The following PBX1 variants were observed in gnomAD, a reference collection of about 807,000 sequenced individuals.
PBX1 encodes PBX homeobox 1.
A neutral mutation model predicts 53.4 loss-of-function variants in PBX1; 6 were observed. That is an observed-to-expected ratio of 0.11 (90% CI 0.06 to 0.22). PBX1 has a LOEUF of 0.22. Among genes scored for constraint, PBX1 ranks in the 10% least tolerant of loss-of-function variants. PBX1 has a pLI of 1.00. For missense variants in PBX1, 251 were observed against 551.4 expected, an observed-to-expected ratio of 0.46 and a Z score of 5.46; for synonymous variants, 204 against 212.3, an observed-to-expected ratio of 0.96 and a Z score of 0.34.
intron 2 of PBX1, among the ~76,000 whole-genome samples, chr1:164,765,550 CACTT>C (rs1177801980): frequency 3.3e-5 from 5 of 152,158 alleles, no homozygotes; most frequent in Non-Finnish European, 7.4e-5. Context: ...AGGCAGCTAA[CACTT>C]ACTGGATGCC....
intron 2 of PBX1, among the ~76,000 whole-genome samples, chr1:164,781,075 G>A (rs536899915): frequency 2.6e-5 from 4 of 152,284 alleles, no homozygotes; most frequent in African/African-American, 9.6e-5. Context: ...GCATGTGCTT[G>A]GGGTGGTTTT....
chr1:164,819,867 T>A, intron 6 of PBX1: 1 of 488,206 alleles, frequency 2.0e-6, no homozygotes. Flanking sequence ...CAGTAAGGTA[T>A]GGCTTCACAT....
At chr1:164,581,521 C>T (rs1321070165) in intron 2 of PBX1, among the ~76,000 whole-genome samples, 1 of 152,138 alleles carries the variant, frequency 6.6e-6, no homozygotes, top group Admixed American at 6.6e-5. Context: ...CCACCGCACC[C>T]AGCCCCCTTT....
At chr1:164,665,517 C>A (rs1660752533) in intron 2 of PBX1, among the ~76,000 whole-genome samples, 1 of 152,180 alleles carries the variant, frequency 6.6e-6, no homozygotes, top group Non-Finnish European at 1.5e-5. Flanking sequence ...AAACTCCTGA[C>A]CTCGAGTGAT....
At chr1:164,861,660 G>T (rs1460283383) in intron 2 of PBX1, among the ~76,000 whole-genome samples, 1 of 152,276 alleles carries the variant, frequency 6.6e-6, no homozygotes, top group Admixed American at 6.5e-5. Context: ...GAAGTGACAA[G>T]TGCTAAGGGA....
chr1:164,649,508 T>C (rs562351339), intron 2 of PBX1, among the ~76,000 whole-genome samples: 128 of 152,302 alleles, frequency 8.4e-4, no homozygotes, highest in Non-Finnish European at 1.4e-3. Flanking sequence ...TATCAGTTTT[T>C]TCCCCCCAGT....
chr1:164,729,199 A>G (rs1301762316), intron 2 of PBX1, among the ~76,000 whole-genome samples: 1 of 152,250 alleles, frequency 6.6e-6, no homozygotes, highest in Non-Finnish European at 1.5e-5. Context: ...GAATTCTTAC[A>G]GTGAGTAGGA....
At chr1:164,632,342 G>A (rs1282941108) in intron 2 of PBX1, among the ~76,000 whole-genome samples, 1 of 152,156 alleles carries the variant, frequency 6.6e-6, no homozygotes, top group Non-Finnish European at 1.5e-5. Context: ...TCTTCTTATG[G>A]TGCTGCCCAT....
At chr1:164,830,222 T>G (rs1670685892) in intron 8 of PBX1, among the ~76,000 whole-genome samples, 2 of 152,140 alleles carry the variant, frequency 1.3e-5, no homozygotes, top group Non-Finnish European at 2.9e-5. Context: ...TAGGAAGAAA[T>G]AATTTACTAA....
At chr1:164,882,423 G>A (rs1458863236) in intron 2 of PBX1, among the ~76,000 whole-genome samples, 1 of 152,098 alleles carries the variant, frequency 6.6e-6, no homozygotes, top group Non-Finnish European at 1.5e-5. Flanking sequence ...ATTCTCCTGT[G>A]AGAAAACAAG....
Position 164,838,816 on chromosome 1 carries a change from A to T in PBX1, c.1201-7768A>T, listed in dbSNP as rs555286050. ...GCCAAGCCATCCAGTATTCACAGGAACGAGACACCAAGGGAAGGCTTCAAA... is the reference window on the plus strand; with the variant it reads ...GCCAAGCCATCCAGTATTCACAGGATCGAGACACCAAGGGAAGGCTTCAAA... On this transcript the variant is annotated intron_variant, in intron 8 of 8. Transcript: ENST00000420696. 2.0e-5 allele frequency among the ~76,000 whole-genome samples: 3 copies of T among 152,306 alleles called. No individual in the cohort carries two copies. The South Asian group carries it at 6.2e-4, about 32-fold the overall frequency.
At chr1:164,693,947 C>T (rs1218952225) in intron 2 of PBX1, among the ~76,000 whole-genome samples, 1 of 152,150 alleles carries the variant, frequency 6.6e-6, no homozygotes, top group East Asian at 1.9e-4. Flanking sequence ...TTGATGTTGT[C>T]TAAAAGTGTC....
chr1:164,852,477 C>T (rs1571531677), downstream of PBX1, among the ~76,000 whole-genome samples: 1 of 152,178 alleles, frequency 6.6e-6, no homozygotes, highest in East Asian at 1.9e-4. Flanking sequence ...CACCAGGCCT[C>T]CACACCTAAG....
intron 5 of PBX1, among the ~76,000 whole-genome samples, chr1:164,809,613 T>C (rs979724156): frequency 6.6e-6 from 1 of 152,224 alleles, no homozygotes; most frequent in African/African-American, 2.4e-5. Context: ...GATCACATGA[T>C]TTATTAAATC....
chr1:164,580,108 A>C, intron 2 of PBX1, among the ~76,000 whole-genome samples: 1 of 152,186 alleles, frequency 6.6e-6, no homozygotes, highest in East Asian at 1.9e-4. Flanking sequence ...TCCAAATAAC[A>C]AATTGTCTGG....
In PBX1 at chr1:164,559,504, C is replaced by CT; in HGVS notation, c.-318dup. 1 of 316,516 alleles carries CT rather than the reference C, an allele frequency of 3.2e-6. No individual in the cohort carries two copies. The highest frequency in any genetic ancestry group is 5.7e-6 in the Non-Finnish European group (1 of 173,926). The allele number at this position is 316,516 out of a possible 1,614,324, so 19.6% of individuals were successfully genotyped here. On this transcript the variant is annotated 5_prime_UTR_variant, in exon 1 of 9. Coordinates refer to ENST00000420696, the MANE Select transcript of PBX1 (RefSeq NM_002585.4). ...CGGACTGAAAAACCTAAAGCCAGCT[C>CT]TGATTTCTTTTCGCCAAGTGGGAAG...
intron 2 of PBX1, among the ~76,000 whole-genome samples, chr1:164,761,259 T>A (rs951410613): frequency 2.0e-5 from 3 of 152,188 alleles, no homozygotes; most frequent in Non-Finnish European, 4.4e-5. Flanking sequence ...AGAACACACA[T>A]GTAGAGCAAA....
At chr1:164,696,839 C>A (rs900158045) in intron 2 of PBX1, among the ~76,000 whole-genome samples, 3 of 152,154 alleles carry the variant, frequency 2.0e-5, no homozygotes, top group African/African-American at 7.2e-5. Context: ...AGGCTGAGCT[C>A]ACTAGTTCCA....
chr1:164,870,193 T>A (rs78919779), intron 2 of PBX1, among the ~76,000 whole-genome samples: 1,507 of 139,724 alleles, frequency 0.011, 44 homozygotes, highest in African/African-American at 0.036. Context: ...CTCTATTGAC[T>A]TTCTTTCTTT....
Sources: allele counts gnomAD v4.1 joint callset (sites outside exome capture counted in the v4.1 genomes callset), GRCh38; gene constraint gnomAD v4.1.1; transcripts MANE v1.5; gene names NCBI Gene and HGNC (gene_info 2026-07-23, HGNC 2026-07-21).